Variants in SET observed in about 807,000 individuals in gnomAD.
SET encodes SET nuclear proto-oncogene.
In SET, 4 loss-of-function variants were observed where a neutral mutation model predicts 39.0. The ratio of observed to expected loss-of-function variants is 0.10; its 90% confidence interval spans 0.05 to 0.23. The LOEUF is 0.23. Ranked by LOEUF, SET falls within the 10% of genes least tolerant of loss-of-function variation. The pLI is 1.00. For synonymous variants in SET, 114 were observed against 115.9 expected (o/e 0.98, Z 0.11); for missense variants, 137 against 329.7 (o/e 0.42, Z 4.53).
upstream of SET, among the ~76,000 whole-genome samples, chr9:128,686,247 A>C (rs1424813105): frequency 6.6e-6 from 1 of 151,940 alleles, no homozygotes; most frequent in Non-Finnish European, 1.5e-5. Context: ...TTTCTCTTCA[A>C]CTTCCTAGTG....
chr9:128,689,158 G>A, upstream of SET: 1 of 583,460 alleles, frequency 1.7e-6, no homozygotes, highest in Non-Finnish European at 2.2e-6. Flanking sequence ...GCCGCGGCGC[G>A]AGCCTCCCCG....
At chr9:128,692,282 C>T (rs1057009715) in intron 3 of SET, 10 of 311,884 alleles carry the variant, frequency 3.2e-5, no homozygotes, top group Admixed American at 9.6e-5. Context: ...CCCAGCTACT[C>T]GCTACTTGGG....
chr9:128,690,961 A>G, intron 1 of SET: 1 of 623,764 alleles, frequency 1.6e-6, no homozygotes, highest in Non-Finnish European at 2.9e-6. Context: ...CCAATTTCTG[A>G]GTAAACCAGC....
chr9:128,685,926 C>T (rs535834390), upstream of SET, among the ~76,000 whole-genome samples: 4 of 152,002 alleles, frequency 2.6e-5, no homozygotes, highest in East Asian at 7.7e-4. Flanking sequence ...ACTTGGGGGG[C>T]TAAGGCAGGA....
At chr9:128,691,025 C>T (rs1861513436) in intron 1 of SET, 145 bp from the exon 2 acceptor site, 1 of 738,156 alleles carries the variant, frequency 1.4e-6, no homozygotes, top group East Asian at 2.5e-5. Flanking sequence ...AATTAGTCAG[C>T]TACAAGCATG....
In SET at chr9:128,689,654, A is replaced by C; in HGVS notation, c.72A>C (p.Ser24=). 2 of 1,198,770 alleles carry C rather than the reference A, an allele frequency of 1.7e-6. No individual in the cohort carries two copies. Among genetic ancestry groups the C allele is most frequent in the South Asian group, 2.2e-5 (1 of 45,638 alleles). The allele number at this position is 1,198,770 out of a possible 1,614,324, so 74.3% of individuals were successfully genotyped here. The stretch of plus-strand genomic sequence containing the variant: ...ACCACGACGGGGCCGACGAGACCTC[A>C]GGTGAGAGCAGCGAGCCCGGGGGCC... The part of the protein sequence containing the change: ...NSNHDGADET[S]EKEQQEAIEH... Residue 24 remains serine (S), a splice_region_variant and synonymous_variant, in exon 1 of 8, where the codon TCA becomes TCC. Transcript: ENST00000322030.
At chr9:128,689,169 G>A, upstream of SET, 1 of 709,326 alleles carries the variant, frequency 1.4e-6, no homozygotes, top group Non-Finnish European at 1.7e-6. Flanking sequence ...AGCCTCCCCG[G>A]CCGGAGGCGG....
intron 3 of SET, 122 bp downstream of exon 3, chr9:128,692,122 CG>C: frequency 5.9e-6 from 7 of 1,193,560 alleles, no homozygotes; most frequent in Non-Finnish European, 8.3e-6. Flanking sequence ...GGTGCGGTGG[CG>C]CACCTGTAAT....
Position 128,694,845 on chromosome 9 carries a change from A to G in SET, c.*181A>G, listed in dbSNP as rs1486500145. 4 of 453,508 alleles carry G rather than the reference A, an allele frequency of 8.8e-6. No individual in the cohort carries two copies. Among genetic ancestry groups the G allele is most frequent in the Non-Finnish European group, 1.5e-5 (4 of 264,444 alleles). 28.1% of individuals were successfully genotyped at this position (453,508 alleles called of 1,614,324 possible). A position where few individuals can be genotyped will look rare whatever the true frequency, so the allele number is the denominator to read the frequency against. ...TTATTTGGGGGGAAATACCTTGAGCAGAATACAATGGGAAAAGAGTCTCTA... is the reference window on the plus strand; with the variant it reads ...TTATTTGGGGGGAAATACCTTGAGCGGAATACAATGGGAAAAGAGTCTCTA... On this transcript the variant is annotated 3_prime_UTR_variant, in exon 8 of 8. Coordinates refer to ENST00000322030, the MANE Select transcript of SET (RefSeq NM_003011.4).
intron 2 of SET, 89 bp from the exon 3 acceptor site, chr9:128,691,765 TCAAG>T (rs1861544190): frequency 9.5e-6 from 12 of 1,268,106 alleles, no homozygotes; most frequent in Non-Finnish European, 1.3e-5. Context: ...TTTGCATGAC[TCAAG>T]CTAGTAAGTA....
chr9:128,689,197 T>C, upstream of SET: 1 of 944,514 alleles, frequency 1.1e-6, no homozygotes. Context: ...GCGCGGGGCC[T>C]GGCGCGCCTG....
chr9:128,694,514 G>A (rs1379602824), intron 7 of SET, 127 bp from the exon 8 acceptor site: 14 of 564,834 alleles, frequency 2.5e-5, no homozygotes, highest in Admixed American at 1.5e-4. Context: ...TGTTTCCTTC[G>A]ATGCAGCTGA....
rs202068042 is a variant in SET at position 128,692,420 on chromosome 9, A to AAAAAAC, written c.275-240_275-239insAAACAA. 7.2e-4 allele frequency: 185 copies of AAAAAAC among 255,208 alleles called. 2 individuals carry two copies. The highest frequency in any genetic ancestry group is 5.0e-3 in the African/African-American group (173 of 34,690). 15.8% of individuals were successfully genotyped at this position (255,208 alleles called of 1,614,324 possible). A position where few individuals can be genotyped will look rare whatever the true frequency, so the allele number is the denominator to read the frequency against. ...TTCAAAAAAAAAAAAAAAAAAAAAAAAACCTCAAAGACGGGAAAAGATATA... is the reference window on the plus strand; with the variant it reads ...TTCAAAAAAAAAAAAAAAAAAAAAAAAAAAACAACCTCAAAGACGGGAAAAGATATA... On this transcript the variant is annotated intron_variant, in intron 3 of 7. Transcript: ENST00000322030.
chr9:128,689,148 G>T, upstream of SET: 1 of 481,192 alleles, frequency 2.1e-6, no homozygotes, highest in Non-Finnish European at 2.7e-6. Flanking sequence ...GGCCAATGGC[G>T]CCGCGGCGCG....
In SET at chr9:128,694,629, T is replaced by A; in HGVS notation, c.811-12T>A. 6.4e-7 allele frequency: 1 copy of A among 1,570,086 alleles called. No individual in the cohort carries two copies. Among genetic ancestry groups the A allele is most frequent in the Admixed American group, 1.8e-5 (1 of 55,344 alleles). On this transcript the variant is annotated splice_polypyrimidine_tract_variant and intron_variant, in intron 7 of 7. Transcript: ENST00000322030. Reference sequence around the variant, plus strand: ...TTAATCCTGAAGATTAACTGCCCACTTTTTCTTTCAGGAGGATGAAGGAGA... The same window carrying A: ...TTAATCCTGAAGATTAACTGCCCACATTTTCTTTCAGGAGGATGAAGGAGA...
At position 128,695,999 on chromosome 9, in the gene SET, G is replaced by A; in HGVS notation, c.*1335G>A. 1 of 226,292 alleles carries A rather than the reference G, an allele frequency of 4.4e-6. No individual in the cohort carries two copies. Among genetic ancestry groups the A allele is most frequent in the Non-Finnish European group, 8.8e-6 (1 of 113,050 alleles). 14.0% of individuals were successfully genotyped at this position (226,292 alleles called of 1,614,324 possible). ...CAAGAAGATAGGCTCTCAGTAAGAA[G>A]TCTGATGGTGAGCAGTAACTGTCCC... On this transcript the variant is annotated 3_prime_UTR_variant, in exon 8 of 8. Transcript: ENST00000322030.
At chr9:128,692,397 C>CAAAAAAA (rs58637669) in intron 3 of SET, 9 of 76,228 alleles carry the variant, frequency 1.2e-4, no homozygotes, top group South Asian at 7.4e-4. Context: ...GAGACTGTTT[C>CAAAAAAA]AAAAAAAAAA....
intron 3 of SET, chr9:128,692,269 A>G (rs2132251989): frequency 2.9e-6 from 1 of 346,418 alleles, no homozygotes; most frequent in South Asian, 4.3e-5. Context: ...GCGCGCTTGT[A>G]ATCCCAGCTA....
upstream of SET, among the ~76,000 whole-genome samples, chr9:128,686,750 T>C (rs2068942163): frequency 6.6e-6 from 1 of 151,770 alleles, no homozygotes; most frequent in African/African-American, 2.4e-5. Context: ...GGCTGAAGGA[T>C]GGTTTGAGCT....
Sources: allele counts gnomAD v4.1 joint callset (sites outside exome capture counted in the v4.1 genomes callset), GRCh38; gene constraint gnomAD v4.1.1; transcripts MANE v1.5; gene names NCBI Gene and HGNC (gene_info 2026-07-23, HGNC 2026-07-21).